The following TUBGCP4 variants were observed in gnomAD, a reference collection of about 807,000 sequenced individuals.
The protein encoded by TUBGCP4 is gamma-tubulin complex component 4.
A neutral mutation model predicts 91.6 loss-of-function variants in TUBGCP4; 54 were observed. The ratio of observed to expected loss-of-function variants is 0.59; its 90% CI spans 0.47 to 0.74. TUBGCP4 has a LOEUF of 0.74. TUBGCP4 is among the 30% of genes least tolerant of loss of function. The pLI is 0.00. For synonymous variants in TUBGCP4, 297 were observed against 302.8 expected (o/e 0.98, Z 0.20); for missense variants, 593 against 800.9 (o/e 0.74, Z 3.13).
intron 10 of TUBGCP4, 108 bp from the exon 11 acceptor site, chr15:43,395,475 G>T: frequency 1.2e-6 from 1 of 858,282 alleles, no homozygotes; most frequent in Non-Finnish European, 1.9e-6. Flanking sequence ...TTTGTAGCTT[G>T]GGCTCAAATT....
chr15:43,406,496 C>T lies in TUBGCP4; in HGVS notation c.*1282C>T, dbSNP rs1278936546. On this transcript the variant is annotated 3_prime_UTR_variant, in exon 18 of 18. Transcript: ENST00000564079. ...AAACACAGCCATGCCCATTTGTTTA[C>T]TCATTGTCTATGGTTGCTTTCATGC... 7.9e-5 allele frequency: 33 copies of T among 419,940 alleles called. No homozygotes were observed. The highest frequency in any genetic ancestry group is 1.4e-4 in the Non-Finnish European group (30 of 210,786). 26.0% of individuals were successfully genotyped at this position (419,940 alleles called of 1,614,324 possible). A position where few individuals can be genotyped will look rare whatever the true frequency, so the allele number is the denominator to read the frequency against.
Position 43,408,793 on chromosome 15 carries a change from C to T in TUBGCP4, c.*3579C>T. On this transcript the variant is annotated 3_prime_UTR_variant, in exon 18 of 18. Coordinates refer to ENST00000564079, the MANE Select transcript of TUBGCP4 (RefSeq NM_014444.5). ...AACCCACTCAAATTTATCCCACAGA[C>T]ATTCCAATTTCTAGAAAGCTTTACT... The T allele has an allele frequency of 8.7e-7, 1 of 1,147,826 alleles. No homozygotes were observed. The highest frequency in any genetic ancestry group is 1.3e-6 in the Non-Finnish European group (1 of 790,860). The allele number at this position is 1,147,826 out of a possible 1,614,324, so 71.1% of individuals were successfully genotyped here. A position where few individuals can be genotyped will look rare whatever the true frequency, so the allele number is the denominator to read the frequency against.
Position 43,407,084 on chromosome 15 carries a change from T to TTAAC in TUBGCP4, c.*1872_*1875dup, listed in dbSNP as rs1330190887. ...TGATGCCACAGAATAAAGTTCACTCTTAACTTTTCAATTTCCTTGGCCAGC... is the reference window on the plus strand; with the variant it reads ...TGATGCCACAGAATAAAGTTCACTCTTAACTAACTTTTCAATTTCCTTGGCCAGC... On this transcript the variant is annotated 3_prime_UTR_variant, in exon 18 of 18. Transcript: ENST00000564079. 15 of 307,390 alleles carry TTAAC rather than the reference T, an allele frequency of 4.9e-5. No homozygotes were observed. Among genetic ancestry groups the TTAAC allele is most frequent in the Non-Finnish European group, 5.5e-5 (9 of 163,248 alleles). 19.0% of individuals were successfully genotyped at this position (307,390 alleles called of 1,614,324 possible).
rs1274396981 is a variant in TUBGCP4, at chr15:43,409,280, T to C, written c.*4066T>C. The stretch of plus-strand genomic sequence containing the variant: ...AGGCCCAAGTAATTTCCATAGATGT[T>C]CTCTCTGCCTCACCTGCAGCATACT... On this transcript the variant is annotated 3_prime_UTR_variant, in exon 18 of 18. Transcript: ENST00000564079. The C allele has an allele frequency of 3.2e-6, 2 of 615,674 alleles. No homozygotes were observed. Among genetic ancestry groups the C allele is most frequent in the East Asian group, 5.5e-5 (2 of 36,294 alleles). 38.1% of individuals were successfully genotyped at this position (615,674 alleles called of 1,614,324 possible).
In TUBGCP4 at chr15:43,404,395, G is replaced by A. The variant is rs765982286; in HGVS notation, c.1849-18G>A. 1.2e-6 allele frequency: 2 copies of A among 1,613,894 alleles called. No homozygotes were observed. The highest frequency in any genetic ancestry group is 1.7e-6 in the Non-Finnish European group (2 of 1,179,858). On this transcript the variant is annotated intron_variant, in intron 16 of 17. Transcript: ENST00000564079. ...GGTGAGCTGAAGTGGAATGACAGCT[G>A]AGTCCTTCTCTCTGCAGGGCTTTAG...
intron 1 of TUBGCP4, among the ~76,000 whole-genome samples, chr15:43,375,048 G>A (rs139825551): frequency 0.01 from 1,540 of 152,270 alleles, 27 homozygotes; most frequent in African/African-American, 0.035. Flanking sequence ...CATTACAGGC[G>A]CCCACCACCA....
At chr15:43,402,037 C>G in intron 15 of TUBGCP4, 187 bp downstream of exon 15, 1 of 613,122 alleles carries the variant, frequency 1.6e-6, no homozygotes, top group Non-Finnish European at 2.6e-6. Flanking sequence ...CTTTGGGAGG[C>G]CGAGGTGGGC....
intron 9 of TUBGCP4, among the ~76,000 whole-genome samples, chr15:43,387,593 C>T (rs898749921): frequency 1.3e-5 from 2 of 152,038 alleles, no homozygotes; most frequent in Admixed American, 1.3e-4. Context: ...TCCCAAGTAG[C>T]TGGGATTACA....
At chr15:43,397,694 C>T (rs2044604706) in intron 12 of TUBGCP4, among the ~76,000 whole-genome samples, 1 of 152,124 alleles carries the variant, frequency 6.6e-6, no homozygotes, top group African/African-American at 2.4e-5. Flanking sequence ...CTTCTGACAT[C>T]GCAGACTCCA....
intron 1 of TUBGCP4, among the ~76,000 whole-genome samples, chr15:43,374,976 C>T (rs962067867): frequency 7.9e-5 from 12 of 152,220 alleles, no homozygotes; most frequent in African/African-American, 2.4e-4. Flanking sequence ...AATCTCAGCT[C>T]GCTGCAACCG....
In TUBGCP4 at chr15:43,383,499, G is replaced by A. The variant is rs1253394907; in HGVS notation, c.718G>A (p.Asp240Asn). ...LTGKQLRELQ[D>N]LRLIEEENML... Reference sequence around the variant, plus strand: ...AGGAAAACAACTGAGAGAACTGCAGGACTTGGTGAGAGCCCAAAAAGTAGC... The same window carrying A: ...AGGAAAACAACTGAGAGAACTGCAGAACTTGGTGAGAGCCCAAAAAGTAGC... Residue 240 changes from aspartate to asparagine, a missense_variant, in exon 7 of 18, where the codon GAC becomes AAC. Asp to Asn is a conservative substitution (Grantham distance 23). Transcript: ENST00000564079. 1.3e-6 allele frequency: 2 copies of A among 1,597,890 alleles called. No individual in the cohort carries two copies. Among genetic ancestry groups the A allele is most frequent in the African/African-American group, 2.7e-5 (2 of 74,190 alleles).
rs907279022 is a variant in TUBGCP4, at chr15:43,406,315, C to T, written c.*1101C>T. The T allele has an allele frequency of 7.9e-6, 2 of 252,000 alleles. No homozygotes were observed. The highest frequency in any genetic ancestry group is 2.3e-5 in the African/African-American group (1 of 44,184). The allele number at this position is 252,000 out of a possible 1,614,324, so 15.6% of individuals were successfully genotyped here. A position where few individuals can be genotyped will look rare whatever the true frequency, so the allele number is the denominator to read the frequency against. On this transcript the variant is annotated 3_prime_UTR_variant, in exon 18 of 18. Transcript: ENST00000564079. Reference sequence around the variant, plus strand: ...TTCTGGCATCAGGTTATAGTCACTGCATCTGGTTTTCATCACTACATATTC... The same window carrying T: ...TTCTGGCATCAGGTTATAGTCACTGTATCTGGTTTTCATCACTACATATTC...
intron 15 of TUBGCP4, 109 bp downstream of exon 15, chr15:43,401,959 A>G: frequency 2.1e-6 from 3 of 1,396,300 alleles, no homozygotes; most frequent in Non-Finnish European, 2.9e-6. Context: ...ATTCAAGTCC[A>G]TTTTAAAACA....
chr15:43,395,728 A>G (rs2044570021), intron 11 of TUBGCP4, 40 bp downstream of exon 11: 2 of 1,525,520 alleles, frequency 1.3e-6, no homozygotes. Context: ...ACTGATTGAC[A>G]TTGCAGGGTA....
At chr15:43,376,700 T>C in intron 3 of TUBGCP4, 75 bp downstream of exon 3, 1 of 1,597,812 alleles carries the variant, frequency 6.3e-7, no homozygotes, top group South Asian at 1.1e-5. Context: ...AAATGCCCTT[T>C]GATAAGATCA....
At chr15:43,387,562 A>G (rs2044396176) in intron 9 of TUBGCP4, among the ~76,000 whole-genome samples, 1 of 152,018 alleles carries the variant, frequency 6.6e-6, no homozygotes, top group South Asian at 2.1e-4. Context: ...CCTGGGTTCA[A>G]GCGATTCTCC....
In TUBGCP4 at chr15:43,407,399, T is replaced by C; in HGVS notation, c.*2185T>C. ...CAAGTATCTTTAGTGAGAAACATAATCGTGTTTATATTTTGGATGCTGCTT... is the reference window on the plus strand; with the variant it reads ...CAAGTATCTTTAGTGAGAAACATAACCGTGTTTATATTTTGGATGCTGCTT... On this transcript the variant is annotated 3_prime_UTR_variant, in exon 18 of 18. Coordinates refer to ENST00000564079, the MANE Select transcript of TUBGCP4 (RefSeq NM_014444.5). 6.2e-7 allele frequency: 1 copy of C among 1,614,086 alleles called. No homozygotes were observed. Among genetic ancestry groups the C allele is most frequent in the Non-Finnish European group, 8.5e-7 (1 of 1,179,946 alleles).
Position 43,408,071 on chromosome 15 carries a change from G to A in TUBGCP4, c.*2857G>A, listed in dbSNP as rs2044976497. 6.2e-7 allele frequency: 1 copy of A among 1,613,850 alleles called. No homozygotes were observed. The highest frequency in any genetic ancestry group is 8.5e-7 in the Non-Finnish European group (1 of 1,179,944). ...CAAGAGTACCTTCAGATTCTGGAAA[G>A]GATTTTCACGGGGTTGCCTATGAAG... On this transcript the variant is annotated 3_prime_UTR_variant, in exon 18 of 18. Coordinates refer to ENST00000564079, the MANE Select transcript of TUBGCP4 (RefSeq NM_014444.5).
At chr15:43,371,905 A>G (rs1348541189) in intron 1 of TUBGCP4, among the ~76,000 whole-genome samples, 1 of 152,192 alleles carries the variant, frequency 6.6e-6, no homozygotes, top group African/African-American at 2.4e-5. Flanking sequence ...AAATTTCTGC[A>G]CTAGGTAAAG....
Sources: allele counts gnomAD v4.1 joint callset (sites outside exome capture counted in the v4.1 genomes callset), GRCh38; gene constraint gnomAD v4.1.1; transcripts MANE v1.5; gene names NCBI Gene and HGNC (gene_info 2026-07-23, HGNC 2026-07-21).